Variants in NKD2 observed in about 807,000 individuals in gnomAD.
NKD2 encodes the protein protein naked cuticle homolog 2.
In NKD2, 43 loss-of-function variants were observed where a neutral mutation model predicts 34.8. That is an observed-to-expected ratio of 1.24 (90% CI 0.97 to 1.60). The LOEUF (loss-of-function observed/expected upper bound fraction) is 1.60, where lower values mean the gene tolerates loss of function less well. Among genes scored for constraint, NKD2 ranks in the 40% most tolerant of loss-of-function variants. The probability of loss-of-function intolerance (pLI) is 0.00; values close to 1 mark genes in which losing one functional copy is unlikely to be tolerated. For missense variants in NKD2, 675 were observed against 627.1 expected (o/e 1.08, Z -0.82); for synonymous variants, 278 against 265.1 (o/e 1.05, Z -0.47).
rs1444124135 is a variant in NKD2 at position 1,037,804 on chromosome 5, G to A, written c.788-1G>A. 1.3e-6 allele frequency: 2 copies of A among 1,566,950 alleles called. No homozygotes were observed. Among genetic ancestry groups the A allele is most frequent in the Non-Finnish European group, 8.6e-7 (1 of 1,159,968 alleles). The stretch of plus-strand genomic sequence containing the variant: ...CCTCACACTCTGACCTGTGTCCGCA[G>A]GGTCCCCTCCTGTGCAAGCAAAGCA... On this transcript the variant is annotated splice_acceptor_variant, in intron 9 of 9. Transcript: ENST00000296849. LOFTEE classifies it high-confidence loss of function.
intron 3 of NKD2, among the ~76,000 whole-genome samples, chr5:1,030,243 A>G (rs1186245153): frequency 6.7e-6 from 1 of 150,028 alleles, no homozygotes; most frequent in Non-Finnish European, 1.5e-5. Flanking sequence ...GCCCCCCTCC[A>G]CAGTGACAGT....
At chr5:1,020,669 CTT>C (rs576773512) in intron 3 of NKD2, among the ~76,000 whole-genome samples, 5 of 114,216 alleles carry the variant, frequency 4.4e-5, no homozygotes, top group Non-Finnish European at 8.9e-5. Context: ...TGTTGCTTGT[CTT>C]TTTTTTTTTT....
chr5:1,018,473 C>G (rs111274219), intron 3 of NKD2, among the ~76,000 whole-genome samples: 1 of 152,188 alleles, frequency 6.6e-6, no homozygotes, highest in Admixed American at 6.5e-5. Flanking sequence ...AAGGTGCTTG[C>G]GGGTATTTCA....
Position 1,037,911 on chromosome 5 carries a change from G to T in NKD2, c.894G>T (p.Arg298Ser), listed in dbSNP as rs556181238. 2 of 1,607,200 alleles carry T rather than the reference G, an allele frequency of 1.2e-6. No individual in the cohort carries two copies. Among genetic ancestry groups the T allele is most frequent in the East Asian group, 2.2e-5 (1 of 44,834 alleles). The change falls in exon 10 of 10, where the codon AGG (arginine) becomes AGT (serine). Residue 298 changes from arginine (R) to serine (S), a missense_variant. Physicochemically the swap from Arg to Ser is moderately radical, Grantham distance 110. Transcript: ENST00000296849. Reference sequence around the variant, plus strand: ...ATACACATGCCGTACACCACCGCAGGTCACAGGTGCTGGTGGAACACGTCG... The same window carrying T: ...ATACACATGCCGTACACCACCGCAGTTCACAGGTGCTGGTGGAACACGTCG... ...EPDTHAVHHR[R>S]SQVLVEHVVP...
In NKD2 at chr5:1,015,043, G is replaced by A. The variant is rs1254524080; in HGVS notation, c.141+5483G>A. Among the ~76,000 whole-genome samples the A allele has an allele frequency of 2.0e-5, 3 of 152,202 alleles. 1 individual carries two copies. The highest frequency in any genetic ancestry group is 4.4e-5 in the Non-Finnish European group (3 of 68,046). The stretch of plus-strand genomic sequence containing the variant: ...TGTGGTCCTGTGAGGAAAGACAAAA[G>A]GGACAGCTCCACGCTCCATAAGGCC... On this transcript the variant is annotated intron_variant, in intron 3 of 9. Coordinates refer to ENST00000296849, the MANE Select transcript of NKD2 (RefSeq NM_033120.4).
chr5:1,036,311 C>G lies in NKD2; in HGVS notation c.714C>G (p.Asp238Glu), dbSNP rs368562849. The G allele has an allele frequency of 1.9e-6, 3 of 1,612,684 alleles. No individual in the cohort carries two copies. Among genetic ancestry groups the G allele is most frequent in the Non-Finnish European group, 1.7e-6 (2 of 1,179,802 alleles). Residue 238 changes from aspartate (D) to glutamate (E), a missense_variant, in exon 9 of 10, where the codon GAC becomes GAG. Coordinates refer to ENST00000296849, the MANE Select transcript of NKD2 (RefSeq NM_033120.4). Reference sequence around the variant, plus strand: ...CGGAGCGGGGGCCCTACTGCGTGGACGAGAACACGGAGCGCAGAAACCACT... The same window carrying G: ...CGGAGCGGGGGCCCTACTGCGTGGAGGAGAACACGGAGCGCAGAAACCACT... ...PCSERGPYCVDENTERRNHYL... is the reference protein window; with the variant it reads ...PCSERGPYCVEENTERRNHYL...
At chr5:1,012,522 AG>A (rs1304624179) in intron 3 of NKD2, among the ~76,000 whole-genome samples, 11 of 152,228 alleles carry the variant, frequency 7.2e-5, no homozygotes, top group Non-Finnish European at 1.2e-4. Flanking sequence ...GGGAGCCAGG[AG>A]GACCACAGTC....
chr5:1,030,942 C>T (rs889519436), intron 3 of NKD2, among the ~76,000 whole-genome samples: 5 of 152,160 alleles, frequency 3.3e-5, no homozygotes, highest in East Asian at 3.9e-4. Context: ...TATTCAGCCT[C>T]GGCAGCGCCA....
rs777858821 is a variant in NKD2 at position 1,035,445 on chromosome 5, G to T, written c.631G>T (p.Ala211Ser). Residue 211 changes from alanine to serine, a missense_variant, in exon 8 of 10, where the codon GCT becomes TCT. By Grantham distance (99) the Ala-to-Ser change is moderately conservative. Transcript: ENST00000296849. ...EGELAEEPRV[A>S]DRRLSAHVRR... is the part of the protein sequence containing the mutation. The stretch of plus-strand genomic sequence containing the variant: ...TGAACTGGCAGAGGAGCCAAGGGTG[G>T]CTGACAGGAGGTTGTCTGCACACGT... The T allele has an allele frequency of 6.4e-7, 1 of 1,557,504 alleles. No individual in the cohort carries two copies. The highest frequency in any genetic ancestry group is 8.7e-7 in the Non-Finnish European group (1 of 1,150,526).
In NKD2 at chr5:1,009,911, AATG is replaced by A. The variant is rs1755683916; in HGVS notation, c.141+352_141+354del. ...CGGGCTGGGGGTCCCGGGGAGCGGG[AATG>A]CAGTACCCCGGCTGGATGAGCTGGA... is the stretch of plus-strand genomic sequence containing the variant. On this transcript the variant is annotated intron_variant, in intron 3 of 9. Transcript: ENST00000296849. This position sits in a 1 kb window ranked among gnomAD's most constrained non-coding sequence, Gnocchi z 6.9. Among the ~76,000 whole-genome samples, 1 of 151,928 alleles carries A rather than the reference AATG, an allele frequency of 6.6e-6. No individual in the cohort carries two copies. The highest frequency in any genetic ancestry group is 1.5e-5 in the Non-Finnish European group (1 of 67,946).
At chr5:1,030,368 G>C (rs2150744006) in intron 3 of NKD2, among the ~76,000 whole-genome samples, 1 of 152,238 alleles carries the variant, frequency 6.6e-6, no homozygotes, top group East Asian at 1.9e-4. Flanking sequence ...CACCATTTCT[G>C]TCGGCAGCCA....
intron 4 of NKD2, among the ~76,000 whole-genome samples, chr5:1,032,941 C>T (rs1042437947): frequency 6.6e-5 from 10 of 152,224 alleles, no homozygotes; most frequent in African/African-American, 2.2e-4. Flanking sequence ...GGGAGGGGGC[C>T]GCCTGTTGAC....
chr5:1,031,762 G>A (rs1406219877), intron 3 of NKD2, among the ~76,000 whole-genome samples: 1 of 152,212 alleles, frequency 6.6e-6, no homozygotes, highest in African/African-American at 2.4e-5. Context: ...GAGTCCTCGT[G>A]TCAGGCTCCA....
At chr5:1,033,009 T>C (rs1050116639) in intron 4 of NKD2, among the ~76,000 whole-genome samples, 2 of 147,448 alleles carry the variant, frequency 1.4e-5, no homozygotes, top group Non-Finnish European at 3.0e-5. Context: ...GATTCTGGAG[T>C]GGAGGGCCGG....
chr5:1,012,742 C>G (rs901021196), intron 3 of NKD2, among the ~76,000 whole-genome samples: 1 of 152,238 alleles, frequency 6.6e-6, no homozygotes, highest in East Asian at 1.9e-4. Flanking sequence ...TGCAGCTGGC[C>G]TTCCCCCAGA....
chr5:1,038,449 G>A lies in NKD2; in HGVS notation c.*76G>A. Reference sequence around the variant, plus strand: ...AGGGCAGGGAGCAGAGCAGCTGCCGGCTGTGTGCCCATGGGGAGCCCAGCC... The same window carrying A: ...AGGGCAGGGAGCAGAGCAGCTGCCGACTGTGTGCCCATGGGGAGCCCAGCC... On this transcript the variant is annotated 3_prime_UTR_variant, in exon 10 of 10. Coordinates refer to ENST00000296849, the MANE Select transcript of NKD2 (RefSeq NM_033120.4). The surrounding 1 kb of genome is among the most constrained non-coding windows in gnomAD (Gnocchi z 4.5). 1 of 1,535,578 alleles carries A rather than the reference G, an allele frequency of 6.5e-7. No individual in the cohort carries two copies. Among genetic ancestry groups the A allele is most frequent in the Non-Finnish European group, 8.7e-7 (1 of 1,146,702 alleles).
intron 3 of NKD2, among the ~76,000 whole-genome samples, chr5:1,027,355 C>T (rs1756460928): frequency 6.6e-6 from 1 of 152,224 alleles, no homozygotes; most frequent in Admixed American, 6.5e-5. Flanking sequence ...GGTGTAGGAG[C>T]TGTGCCTTCT....
intron 3 of NKD2, among the ~76,000 whole-genome samples, chr5:1,030,085 A>AG (rs1293817114): frequency 2.7e-5 from 4 of 149,094 alleles, no homozygotes; most frequent in Non-Finnish European, 5.9e-5. Flanking sequence ...CACATCCCAG[A>AG]GGAGAAGGTC....
intron 3 of NKD2, among the ~76,000 whole-genome samples, chr5:1,020,439 A>C (rs887620989): frequency 6.6e-6 from 1 of 151,998 alleles, no homozygotes; most frequent in Non-Finnish European, 1.5e-5. Context: ...CCCCCTAGTC[A>C]CCCTGCTCAG....
Sources: allele counts gnomAD v4.1 joint callset (sites outside exome capture counted in the v4.1 genomes callset), GRCh38; gene constraint gnomAD v4.1.1; non-coding constraint Gnocchi (gnomAD v3.1); transcripts MANE v1.5; gene names NCBI Gene and HGNC (gene_info 2026-07-23, HGNC 2026-07-21).